RAD21L1: variants seen among roughly 807,000 people sequenced by gnomAD.
RAD21L1 encodes RAD21 cohesin complex component like 1.
RAD21L1 carries 47 observed loss-of-function variants against 69.0 expected under a neutral mutation model. The observed-to-expected ratio is 0.68, with a 90% CI of 0.54 to 0.87. The LOEUF is 0.87. Ranked by LOEUF, RAD21L1 falls within the 40% of genes least tolerant of loss-of-function variation. RAD21L1 has a pLI of 0.00. For missense variants in RAD21L1, 583 were observed against 647.6 expected (o/e 0.90, Z 1.08); for synonymous variants, 177 against 205.8 (o/e 0.86, Z 1.20).
intron 6 of RAD21L1, among the ~76,000 whole-genome samples, chr20:1,238,899 A>G (rs1226622197): frequency 2.0e-5 from 3 of 152,062 alleles, no homozygotes; most frequent in Admixed American, 6.6e-5. Flanking sequence ...TCTTGGCTCA[A>G]TGCAACCTCT....
intron 5 of RAD21L1, among the ~76,000 whole-genome samples, chr20:1,235,348 TGC>T (rs1386788382): frequency 6.6e-6 from 1 of 152,196 alleles, no homozygotes. Context: ...CCGTAACTCT[TGC>T]CATATCTGTA....
intron 12 of RAD21L1, among the ~76,000 whole-genome samples, 171 bp from the exon 13 acceptor site, chr20:1,248,454 AT>A (rs2087760698): frequency 6.6e-6 from 1 of 152,154 alleles, no homozygotes. Context: ...GGTGGTTTAT[AT>A]TTGTATGTTA....
In RAD21L1 at chr20:1,242,858, A is replaced by G. The variant is rs776595583; in HGVS notation, c.1083+13A>G. 6 of 1,499,310 alleles carry G rather than the reference A, an allele frequency of 4.0e-6. No homozygotes were observed. The African/African-American group carries it at 8.3e-5, about 21-fold the overall frequency. The allele number at this position is 1,499,310 out of a possible 1,614,324, so 92.9% of individuals were successfully genotyped here. On this transcript the variant is annotated intron_variant, in intron 9 of 13. Coordinates refer to ENST00000683101, the MANE Select transcript of RAD21L1 (RefSeq NM_001384355.1). ...TGAACTGAAAATGGTAACGGTTCCTACCCTTCTACATGTGAGCAATGTCTG... is the reference window on the plus strand; with the variant it reads ...TGAACTGAAAATGGTAACGGTTCCTGCCCTTCTACATGTGAGCAATGTCTG...
Position 1,239,315 on chromosome 20 carries a change from A to G in RAD21L1, c.650A>G (p.Asn217Ser). The G allele has an allele frequency of 1.3e-6, 2 of 1,524,054 alleles. No individual in the cohort carries two copies. The highest frequency in any genetic ancestry group is 1.8e-6 in the Non-Finnish European group (2 of 1,125,008). 94.4% of individuals were successfully genotyped at this position (1,524,054 alleles called of 1,614,324 possible). ...DEGAAGEMID[N>S]LLQDDQNILL... ...AATATTCATTGTGTTTTTCAAGACAATCTATTGCAAGATGATCAGAATATC... is the reference window on the plus strand; with the variant it reads ...AATATTCATTGTGTTTTTCAAGACAGTCTATTGCAAGATGATCAGAATATC... Residue 217 changes from asparagine to serine, a missense_variant, in exon 7 of 14, where the codon AAT (asparagine) becomes AGT (serine). By Grantham distance (46) the Asn-to-Ser change is conservative. Coordinates refer to ENST00000683101, the MANE Select transcript of RAD21L1 (RefSeq NM_001384355.1).
At chr20:1,238,789 A>C (rs1246711534) in intron 6 of RAD21L1, among the ~76,000 whole-genome samples, 1 of 152,042 alleles carries the variant, frequency 6.6e-6, no homozygotes, top group Non-Finnish European at 1.5e-5. Flanking sequence ...GGTAGAGAAA[A>C]ACTAAGAAGT....
Position 1,229,979 on chromosome 20 carries a change from T to G in RAD21L1, c.244T>G (p.Phe82Val). The G allele has an allele frequency of 1.3e-6, 2 of 1,550,488 alleles. No homozygotes were observed. Among genetic ancestry groups the G allele is most frequent in the Non-Finnish European group, 1.7e-6 (2 of 1,145,888 alleles). ...KYLLADCSEA[F>V]LKMKMTFCPG... Reference sequence around the variant, plus strand: ...TCTTTTGGCAGATTGCAGTGAAGCATTTCTTAAAATGAAGATGACATTTTG... The same window carrying G: ...TCTTTTGGCAGATTGCAGTGAAGCAGTTCTTAAAATGAAGATGACATTTTG... Residue 82 changes from phenylalanine to valine, a missense_variant, in exon 3 of 14, where the codon TTT becomes GTT. Phe to Val is a conservative substitution (Grantham distance 50). Transcript: ENST00000683101.
At chr20:1,227,984 A>G (rs535182519) in intron 1 of RAD21L1, among the ~76,000 whole-genome samples, 9 of 152,294 alleles carry the variant, frequency 5.9e-5, no homozygotes, top group South Asian at 4.2e-4. Context: ...CAATAATCCA[A>G]TCCTTCTTAA....
Position 1,231,605 on chromosome 20 carries a change from C to T in RAD21L1, c.354C>T (p.Asp118=). The T allele has an allele frequency of 6.9e-7, 1 of 1,451,102 alleles. No homozygotes were observed. The highest frequency in any genetic ancestry group is 9.4e-7 in the Non-Finnish European group (1 of 1,060,074). The allele number at this position is 1,451,102 out of a possible 1,614,324, so 89.9% of individuals were successfully genotyped here. A position where few individuals can be genotyped will look rare whatever the true frequency, so the allele number is the denominator to read the frequency against. ...ITLPEEFHDF[D]TQNMNAIDVS... ...TGCCAGAAGAATTTCATGATTTTGA[C>T]ACCCAAAATATGAAGTAAAATATTT... The change falls in exon 4 of 14, where the codon GAC becomes GAT. Residue 118 remains aspartate (D), a synonymous_variant. Coordinates refer to ENST00000683101, the MANE Select transcript of RAD21L1 (RefSeq NM_001384355.1).
rs974602272 is a variant in RAD21L1 at position 1,231,518 on chromosome 20, C to T, written c.275-8C>T. 5.6e-6 allele frequency: 8 copies of T among 1,435,954 alleles called. No homozygotes were observed. Among genetic ancestry groups the T allele is most frequent in the Non-Finnish European group, 7.6e-6 (8 of 1,048,754 alleles). The allele number at this position is 1,435,954 out of a possible 1,614,324, so 89.0% of individuals were successfully genotyped here. ...TGCTTATTGAGTATGGTTTTTGATC[C>T]TTTTCAGGACTGGTTGACCTTCCAA... On this transcript the variant is annotated splice_polypyrimidine_tract_variant and splice_region_variant and intron_variant, in intron 3 of 13. Coordinates refer to ENST00000683101, the MANE Select transcript of RAD21L1 (RefSeq NM_001384355.1).
Position 1,254,582 on chromosome 20 carries a change from T to C in RAD21L1, c.*125T>C. On this transcript the variant is annotated 3_prime_UTR_variant, in exon 14 of 14. Coordinates refer to ENST00000683101, the MANE Select transcript of RAD21L1 (RefSeq NM_001384355.1). The stretch of plus-strand genomic sequence containing the variant: ...CATTTCATAGATAGGCTGACCTACT[T>C]CCTCTCTGTAGTTCAGAATAATCAT... The C allele has an allele frequency of 1.9e-6, 1 of 529,624 alleles. No homozygotes were observed. Among genetic ancestry groups the C allele is most frequent in the South Asian group, 4.0e-5 (1 of 24,826 alleles). 32.8% of individuals were successfully genotyped at this position (529,624 alleles called of 1,614,324 possible).
In RAD21L1 at chr20:1,242,888, T is replaced by A. The variant is rs569234516; in HGVS notation, c.1083+43T>A. 3 of 1,211,964 alleles carry A rather than the reference T, an allele frequency of 2.5e-6. No homozygotes were observed. The South Asian group carries it at 4.0e-5, about 16-fold the overall frequency. 75.1% of individuals were successfully genotyped at this position (1,211,964 alleles called of 1,614,324 possible). A position where few individuals can be genotyped will look rare whatever the true frequency, so the allele number is the denominator to read the frequency against. ...TCTACATGTGAGCAATGTCTGGTTATAAATAAATAATAAATAAATAAATAA... is the reference window on the plus strand; with the variant it reads ...TCTACATGTGAGCAATGTCTGGTTAAAAATAAATAATAAATAAATAAATAA... On this transcript the variant is annotated intron_variant, in intron 9 of 13. Transcript: ENST00000683101.
rs2087585178 is a variant in RAD21L1 at position 1,240,497 on chromosome 20, T to C, written c.856+63T>C. ...CACTGTTAACTTATTTACTTTGAGATGTTTGAATAATCACTGAAATATTAT... is the reference window on the plus strand; with the variant it reads ...CACTGTTAACTTATTTACTTTGAGACGTTTGAATAATCACTGAAATATTAT... On this transcript the variant is annotated intron_variant, in intron 8 of 13. Transcript: ENST00000683101. 5 of 1,490,440 alleles carry C rather than the reference T, an allele frequency of 3.4e-6. No individual in the cohort carries two copies. The Middle Eastern group carries it at 5.7e-4, about 171-fold the overall frequency. The allele number at this position is 1,490,440 out of a possible 1,614,324, so 92.3% of individuals were successfully genotyped here. A position where few individuals can be genotyped will look rare whatever the true frequency, so the allele number is the denominator to read the frequency against.
chr20:1,233,525 C>T (rs2087434948), intron 4 of RAD21L1, among the ~76,000 whole-genome samples: 1 of 152,108 alleles, frequency 6.6e-6, no homozygotes, highest in Non-Finnish European at 1.5e-5. Flanking sequence ...AACTGGGTGG[C>T]TTATTAACAA....
chr20:1,237,254 C>G (rs1355577943), intron 5 of RAD21L1, among the ~76,000 whole-genome samples: 1 of 152,152 alleles, frequency 6.6e-6, no homozygotes, highest in East Asian at 1.9e-4. Flanking sequence ...TAACTGATGT[C>G]TGGTCAAGAG....
At position 1,254,731 on chromosome 20, in the gene RAD21L1, T is replaced by G. The variant is rs1164007150; in HGVS notation, c.*274T>G. On this transcript the variant is annotated 3_prime_UTR_variant, in exon 14 of 14. Transcript: ENST00000683101. ...CCCAGGCTGGACTTGAACTCTGGGT[T>G]CAAGTGATTCTCCTGCCTCAGCCTC... Among the ~76,000 whole-genome samples the G allele has an allele frequency of 6.6e-6, 1 of 152,124 alleles. No individual in the cohort carries two copies. Among genetic ancestry groups the G allele is most frequent in the Non-Finnish European group, 1.5e-5 (1 of 68,006 alleles).
rs2087921151 is a variant in RAD21L1, at chr20:1,255,681, G to A, written c.*1224G>A. Among the ~76,000 whole-genome samples, 1 of 152,042 alleles carries A rather than the reference G, an allele frequency of 6.6e-6. No individual in the cohort carries two copies. The highest frequency in any genetic ancestry group is 2.4e-5 in the African/African-American group (1 of 41,364). On this transcript the variant is annotated 3_prime_UTR_variant, in exon 14 of 14. Transcript: ENST00000683101. ...AGTCCTGTAACCATCTCCACAATTAGGATTCCAGCAGTAACATCACCCTAA... is the reference window on the plus strand; with the variant it reads ...AGTCCTGTAACCATCTCCACAATTAAGATTCCAGCAGTAACATCACCCTAA...
At chr20:1,234,010 A>G in intron 4 of RAD21L1, 75 bp from the exon 5 acceptor site, 2 of 681,626 alleles carry the variant, frequency 2.9e-6, no homozygotes, top group Non-Finnish European at 5.0e-6. Context: ...TAGTTTCTTC[A>G]CTATATCAAT....
At chr20:1,240,659 G>T (rs940640294) in intron 8 of RAD21L1, among the ~76,000 whole-genome samples, 2 of 152,038 alleles carry the variant, frequency 1.3e-5, no homozygotes, top group African/African-American at 4.8e-5. Context: ...ACCAGATGAG[G>T]ACTAGTTACA....
intron 4 of RAD21L1, among the ~76,000 whole-genome samples, chr20:1,233,308 T>A (rs922159757): frequency 5.9e-5 from 9 of 152,234 alleles, no homozygotes; most frequent in Admixed American, 3.3e-4. Flanking sequence ...GTAGTGAGTA[T>A]ACATTTAAAA....
Sources: gnomAD v4.1 joint callset for allele counts (sites outside exome capture counted in the v4.1 genomes callset) on GRCh38, gnomAD v4.1.1 for gene constraint, MANE v1.5 for transcripts, NCBI Gene and HGNC (gene_info 2026-07-23, HGNC 2026-07-21) for gene names.